The following TTC21B variants were observed in gnomAD, a reference collection of about 807,000 sequenced individuals.
TTC21B encodes tetratricopeptide repeat protein 21B.
Under a neutral mutation model 175.1 loss-of-function variants are expected in TTC21B, and 127 were observed. That is an observed-to-expected ratio of 0.73 (90% CI 0.63 to 0.84). The LOEUF is 0.84. TTC21B is among the 40% of genes least tolerant of loss of function. TTC21B has a pLI of 0.00. For missense variants in TTC21B, 1,561 were observed against 1,558.3 expected, an observed-to-expected ratio of 1.00 and a Z score of -0.03; for synonymous variants, 524 against 524.5, an observed-to-expected ratio of 1.00 and a Z score of 0.01.
At chr2:165,935,596 A>G (rs1426149964) in intron 6 of TTC21B, among the ~76,000 whole-genome samples, 1 of 152,230 alleles carries the variant, frequency 6.6e-6, no homozygotes, top group Non-Finnish European at 1.5e-5. Flanking sequence ...TCCTGGAATC[A>G]ACAAGCGATT....
Position 165,941,053 on chromosome 2 carries a change from C to T in TTC21B, c.684G>A (p.Trp228Ter), listed in dbSNP as rs777162250. Residue 228 changes from tryptophan to a stop codon, truncating the protein, a stop_gained, in exon 6 of 29, where the codon TGG becomes TGA. Coordinates refer to ENST00000243344, the MANE Select transcript of TTC21B (RefSeq NM_024753.5). LOFTEE classifies it high-confidence loss of function. Reference sequence around the variant, plus strand: ...TTTGTGCTGTCTCAACTGTCTGGTCCCAATCCTGCAAGGCTAGTTGTAATT... The same window carrying T: ...TTTGTGCTGTCTCAACTGTCTGGTCTCAATCCTGCAAGGCTAGTTGTAATT... ...KMKLQLALQD[W>*]DQTVETAQRL... 1 of 1,613,874 alleles carries T rather than the reference C, an allele frequency of 6.2e-7. No homozygotes were observed. Among genetic ancestry groups the T allele is most frequent in the Non-Finnish European group, 8.5e-7 (1 of 1,179,850 alleles).
Position 165,937,701 on chromosome 2 carries a change from T to A in TTC21B, c.710+3326A>T, listed in dbSNP as rs533827485. On this transcript the variant is annotated intron_variant, in intron 6 of 28. Transcript: ENST00000243344. ...TTAAAGAGAAAAACAAGTTTAAAAG[T>A]ACATTATGAGTCTATTTATTATTTT... Among the ~76,000 whole-genome samples, 4 of 150,778 alleles carry A rather than the reference T, an allele frequency of 2.7e-5. No individual in the cohort carries two copies. The Admixed American group carries it at 2.7e-4, about 10-fold the overall frequency.
chr2:165,905,756 A>G (rs974101961), intron 19 of TTC21B, among the ~76,000 whole-genome samples: 1 of 152,192 alleles, frequency 6.6e-6, no homozygotes, highest in Admixed American at 6.5e-5. Context: ...ACAAATAACG[A>G]CCAAACACTA....
rs1319690419 is a variant in TTC21B, at chr2:165,883,792, A to G, written c.3684+2T>C. 9.3e-6 allele frequency: 15 copies of G among 1,609,874 alleles called. No individual in the cohort carries two copies. Among genetic ancestry groups the G allele is most frequent in the Middle Eastern group, 1.7e-4 (1 of 6,046 alleles). On this transcript the variant is annotated splice_donor_variant, in intron 26 of 28. Transcript: ENST00000243344. LOFTEE classifies it high-confidence loss of function. The stretch of plus-strand genomic sequence containing the variant: ...ATTATTTTTTACTCTTCAATCACCT[A>G]CTCTATTATGACGCAGGCACCGTTT...
intron 22 of TTC21B, among the ~76,000 whole-genome samples, chr2:165,897,610 T>C (rs1420058417): frequency 1.3e-5 from 2 of 152,090 alleles, no homozygotes; most frequent in Non-Finnish European, 1.5e-5. Flanking sequence ...GAGGTGTACA[T>C]GAGTAAGGGC....
intron 27 of TTC21B, among the ~76,000 whole-genome samples, chr2:165,877,913 A>G (rs1325049052): frequency 1.3e-5 from 2 of 152,172 alleles, no homozygotes; most frequent in East Asian, 1.9e-4. Context: ...GTGACATTCA[A>G]AAAGTAAAGC....
chr2:165,935,125 T>C (rs576380742), intron 6 of TTC21B, among the ~76,000 whole-genome samples: 212 of 152,338 alleles, frequency 1.4e-3, no homozygotes, highest in Non-Finnish European at 2.7e-3. Context: ...GACTGCAAGA[T>C]GGAAAGCGTC....
chr2:165,896,768 C>T (rs1685380136), intron 22 of TTC21B, among the ~76,000 whole-genome samples: 1 of 152,188 alleles, frequency 6.6e-6, no homozygotes, highest in African/African-American at 2.4e-5. Context: ...TTCTGTTGTC[C>T]CTTTCTTCTT....
At chr2:165,921,615 T>C (rs941474227) in intron 12 of TTC21B, among the ~76,000 whole-genome samples, 1 of 152,254 alleles carries the variant, frequency 6.6e-6, no homozygotes, top group Non-Finnish European at 1.5e-5. Context: ...CCCAAATCTG[T>C]GGCTGGTGTC....
At chr2:165,932,629 T>C (rs572373220) in intron 7 of TTC21B, among the ~76,000 whole-genome samples, 6 of 152,106 alleles carry the variant, frequency 3.9e-5, no homozygotes, top group African/African-American at 1.4e-4. Context: ...CATACATACT[T>C]TCTCATATCT....
intron 27 of TTC21B, among the ~76,000 whole-genome samples, chr2:165,878,542 A>G (rs1389210859): frequency 6.7e-6 from 1 of 150,084 alleles, no homozygotes; most frequent in Non-Finnish European, 1.5e-5. Flanking sequence ...GGGTGTGTAG[A>G]TATATGTGTG....
chr2:165,943,290 T>C lies in TTC21B; in HGVS notation c.481A>G (p.Thr161Ala), dbSNP rs568969576. 1.4e-4 allele frequency: 221 copies of C among 1,611,826 alleles called. 6 individuals are homozygous for C. In the South Asian group the frequency reaches 2.2e-3, roughly 16 times the overall value. The change falls in exon 5 of 29, where the codon ACT becomes GCT. Residue 161 changes from threonine to alanine, a missense_variant. Thr to Ala is a moderately conservative substitution (Grantham distance 58). Coordinates refer to ENST00000243344, the MANE Select transcript of TTC21B (RefSeq NM_024753.5). ...LDITRGKEPYTKKALKYFEEG... is the reference protein window; with the variant it reads ...LDITRGKEPYAKKALKYFEEG... ...TCAAAATACTTCAGTGCTTTTTTAGTGTAAGGCTCTTTTCCTCTTGTAATA... is the reference window on the plus strand; with the variant it reads ...TCAAAATACTTCAGTGCTTTTTTAGCGTAAGGCTCTTTTCCTCTTGTAATA...
chr2:165,873,590 T>G lies in TTC21B; in HGVS notation c.*1165A>C, dbSNP rs555716228. The G allele has an allele frequency of 6.6e-6, 1 of 152,316 alleles. No individual in the cohort carries two copies. The highest frequency in any genetic ancestry group is 6.5e-5 in the Admixed American group (1 of 15,292). 9.4% of individuals were successfully genotyped at this position (152,316 alleles called of 1,614,324 possible). The stretch of plus-strand genomic sequence containing the variant: ...TCACATGGTGTGCTTTGTGACTCCC[T>G]GCTGACCAAAAGTATTTGGTCACCC... On this transcript the variant is annotated 3_prime_UTR_variant, in exon 29 of 29. Coordinates refer to ENST00000243344, the MANE Select transcript of TTC21B (RefSeq NM_024753.5).
Position 165,873,763 on chromosome 2 carries a change from A to T in TTC21B, c.*992T>A, listed in dbSNP as rs959357631. 26 of 152,156 alleles carry T rather than the reference A, an allele frequency of 1.7e-4. No individual in the cohort carries two copies. Among genetic ancestry groups the T allele is most frequent in the African/African-American group, 5.6e-4 (23 of 41,440 alleles). The allele number at this position is 152,156 out of a possible 1,614,324, so 9.4% of individuals were successfully genotyped here. ...AGACCACAATGGCCTTGAAAGCAGG[A>T]AGAATGAGCTCAAGAAAGGAAAGGG... On this transcript the variant is annotated 3_prime_UTR_variant, in exon 29 of 29. Transcript: ENST00000243344.
chr2:165,932,929 A>C, intron 7 of TTC21B, 44 bp downstream of exon 7: 1 of 1,522,752 alleles, frequency 6.6e-7, no homozygotes, highest in Non-Finnish European at 9.1e-7. Context: ...GTAATGAAAT[A>C]TATTTTTTAA....
intron 12 of TTC21B, among the ~76,000 whole-genome samples, chr2:165,923,062 T>A (rs568679997): frequency 6.6e-6 from 1 of 152,244 alleles, no homozygotes; most frequent in South Asian, 2.1e-4. Context: ...CAGAGTGATA[T>A]AGTGGACTTT....
At chr2:165,919,681 G>A (rs979658082) in intron 12 of TTC21B, among the ~76,000 whole-genome samples, 8 of 152,186 alleles carry the variant, frequency 5.3e-5, no homozygotes, top group African/African-American at 1.9e-4. Flanking sequence ...AGCAGGAAAG[G>A]ATGAGAGCCA....
At chr2:165,953,163 C>T (rs1687811683) in intron 1 of TTC21B, among the ~76,000 whole-genome samples, 1 of 152,170 alleles carries the variant, frequency 6.6e-6, no homozygotes, top group African/African-American at 2.4e-5. Context: ...TTTATATCAG[C>T]CTTTCTTAAG....
At chr2:165,931,040 G>A (rs890413906) in intron 8 of TTC21B, among the ~76,000 whole-genome samples, 2 of 151,762 alleles carry the variant, frequency 1.3e-5, no homozygotes, top group African/African-American at 2.4e-5. Context: ...CTAGCACTAC[G>A]GTAAGCAAAA....
Sources: gnomAD v4.1 joint callset for allele counts (sites outside exome capture counted in the v4.1 genomes callset) on GRCh38, gnomAD v4.1.1 for gene constraint, MANE v1.5 for transcripts, NCBI Gene and HGNC (gene_info 2026-07-23, HGNC 2026-07-21) for gene names.